VPS13B: variants seen among roughly 807,000 people sequenced by gnomAD.
The protein encoded by VPS13B is intermembrane lipid transfer protein VPS13B.
In VPS13B, 285 loss-of-function variants were observed where a neutral mutation model predicts 426.4. That is an observed-to-expected ratio of 0.67 (90% CI 0.61 to 0.74). VPS13B has a LOEUF of 0.74. Ranked by LOEUF, VPS13B falls within the 30% of genes least tolerant of loss-of-function variation. The pLI, the probability that VPS13B is intolerant of heterozygous loss-of-function variation, is 0.00. For missense variants in VPS13B, 4,537 were observed against 4,782.6 expected (o/e 0.95, Z 1.51); for synonymous variants, 1,676 against 1,676.4 (o/e 1.00, Z 0.01).
intron 17 of VPS13B, among the ~76,000 whole-genome samples, chr8:99,247,384 A>T (rs1376642894): frequency 1.3e-5 from 2 of 152,082 alleles, no homozygotes; most frequent in African/African-American, 4.8e-5. Flanking sequence ...CTCTTTTAAA[A>T]ATTTGCCTTC....
At chr8:99,309,133 C>T (rs1327581498) in intron 19 of VPS13B, among the ~76,000 whole-genome samples, 3 of 151,996 alleles carry the variant, frequency 2.0e-5, no homozygotes, top group African/African-American at 7.3e-5. Context: ...CTGTAGGTTG[C>T]CTGTTTACTC....
chr8:99,126,910 A>G (rs1650454306), intron 8 of VPS13B, among the ~76,000 whole-genome samples: 2 of 152,124 alleles, frequency 1.3e-5, no homozygotes, highest in South Asian at 2.1e-4. Flanking sequence ...CCATGCAAAT[A>G]TGGTGAAACT....
intron 33 of VPS13B, among the ~76,000 whole-genome samples, chr8:99,626,466 T>C (rs1828616629): frequency 6.6e-6 from 1 of 152,168 alleles, no homozygotes. Context: ...GTAGGGGAAG[T>C]GCCTGCTAAT....
chr8:99,291,723 C>G (rs998699255), intron 19 of VPS13B, among the ~76,000 whole-genome samples: 9 of 152,136 alleles, frequency 5.9e-5, no homozygotes, highest in Non-Finnish European at 8.8e-5. Context: ...AAAGATCTCT[C>G]AAGGAAGGAT....
chr8:99,829,131 A>G (rs1167793235), intron 51 of VPS13B, among the ~76,000 whole-genome samples: 1 of 152,076 alleles, frequency 6.6e-6, no homozygotes, highest in Non-Finnish European at 1.5e-5. Context: ...TATTTCCTGA[A>G]TTTGAATGTC....
intron 19 of VPS13B, among the ~76,000 whole-genome samples, chr8:99,376,917 C>A (rs1588307673): frequency 6.6e-6 from 1 of 151,746 alleles, no homozygotes; most frequent in Non-Finnish European, 1.5e-5. Context: ...AACTCAATAT[C>A]TTTTTTCTTT....
chr8:99,202,963 GGTGGAGCTTGCA>G (rs1446589792), intron 17 of VPS13B, among the ~76,000 whole-genome samples: 3 of 152,116 alleles, frequency 2.0e-5, no homozygotes, highest in South Asian at 4.2e-4. Flanking sequence ...GAACCCAGGA[GGTGGAGCTTGCA>G]GTGGAGCTTG....
chr8:99,202,752 G>A (rs1305587469), intron 17 of VPS13B, among the ~76,000 whole-genome samples: 1 of 152,058 alleles, frequency 6.6e-6, no homozygotes, highest in Non-Finnish European at 1.5e-5. Flanking sequence ...AAAAAAAAAT[G>A]GGCGTGGTGG....
chr8:99,277,767 G>C (rs1049999660), intron 19 of VPS13B, among the ~76,000 whole-genome samples: 1 of 152,018 alleles, frequency 6.6e-6, no homozygotes, highest in African/African-American at 2.4e-5. Context: ...TGTTTCCCCT[G>C]CTATTAGAAT....
At chr8:99,664,819 T>G (rs895478907) in intron 35 of VPS13B, among the ~76,000 whole-genome samples, 17 of 152,356 alleles carry the variant, frequency 1.1e-4, no homozygotes, top group African/African-American at 3.6e-4. Flanking sequence ...TTATAATCCT[T>G]TGGGTATATA....
intron 24 of VPS13B, among the ~76,000 whole-genome samples, chr8:99,478,464 TTG>T (rs1563752197): frequency 2.8e-4 from 38 of 133,368 alleles, no homozygotes; most frequent in East Asian, 1.2e-3. Context: ...TTTTTTTTTT[TTG>T]TTTTTTGTTT....
chr8:99,575,684 C>G lies in VPS13B; in HGVS notation c.4976C>G (p.Ala1659Gly). ...SSIRRHQERR[A>G]ILTPVLTDFS... ...ATACGGCGGCATCAAGAAAGGAGAG[C>G]AATTTTGACCCCCGTTTTGACAGAT... Residue 1659 changes from alanine to glycine, a missense_variant, in exon 32 of 62, where the codon GCA becomes GGA. Transcript: ENST00000357162. The G allele has an allele frequency of 6.2e-7, 1 of 1,613,858 alleles. No individual in the cohort carries two copies. Among genetic ancestry groups the G allele is most frequent in the African/African-American group, 1.3e-5 (1 of 75,014 alleles).
chr8:99,050,453 G>A (rs934430729), intron 3 of VPS13B, among the ~76,000 whole-genome samples: 1 of 152,138 alleles, frequency 6.6e-6, no homozygotes, highest in East Asian at 1.9e-4. Context: ...ATGTGGGTTG[G>A]TTCCAAGTCT....
chr8:99,656,530 G>A (rs1830023741), intron 34 of VPS13B, among the ~76,000 whole-genome samples: 1 of 152,090 alleles, frequency 6.6e-6, no homozygotes, highest in Non-Finnish European at 1.5e-5. Flanking sequence ...CCAGTGTGTT[G>A]ACCCTGAAGA....
intron 16 of VPS13B, among the ~76,000 whole-genome samples, chr8:99,192,124 T>A (rs1813635316): frequency 6.6e-6 from 1 of 152,248 alleles, no homozygotes; most frequent in Admixed American, 6.5e-5. Flanking sequence ...CTCACAGACA[T>A]ATTGAAATGT....
intron 36 of VPS13B, among the ~76,000 whole-genome samples, chr8:99,716,336 A>T (rs1316773903): frequency 6.6e-6 from 1 of 152,120 alleles, no homozygotes. Flanking sequence ...TAGGGATCAA[A>T]TATCATTAGA....
chr8:99,076,002 A>G (rs1845100434), intron 3 of VPS13B, among the ~76,000 whole-genome samples: 1 of 152,126 alleles, frequency 6.6e-6, no homozygotes, highest in Admixed American at 6.6e-5. Context: ...ATTTATTGCT[A>G]TAAACTTTCC....
chr8:99,392,176 C>T (rs1191188300), intron 21 of VPS13B, among the ~76,000 whole-genome samples: 1 of 152,170 alleles, frequency 6.6e-6, no homozygotes, highest in African/African-American at 2.4e-5. Flanking sequence ...ATAGTATGTT[C>T]CTTCTTTAAG....
At chr8:99,236,297 T>C (rs1377622489) in intron 17 of VPS13B, among the ~76,000 whole-genome samples, 1 of 152,066 alleles carries the variant, frequency 6.6e-6, no homozygotes, top group Non-Finnish European at 1.5e-5. Flanking sequence ...CTGCCCGGGC[T>C]GGAGTGCAGT....
Sources: gnomAD v4.1 joint callset for allele counts (sites outside exome capture counted in the v4.1 genomes callset) on GRCh38, gnomAD v4.1.1 for gene constraint, MANE v1.5 for transcripts, NCBI Gene and HGNC (gene_info 2026-07-23, HGNC 2026-07-21) for gene names.